The following DSCAML1 variants were observed in gnomAD, a reference collection of about 807,000 sequenced individuals.
DSCAML1 encodes the protein DS cell adhesion molecule like 1.
Under a neutral mutation model 200.5 loss-of-function variants are expected in DSCAML1, and 38 were observed. That is an observed-to-expected ratio of 0.19 (90% CI 0.15 to 0.25). DSCAML1 has a LOEUF of 0.25. Ranked by LOEUF, DSCAML1 falls within the 10% of genes least tolerant of loss-of-function variation. The probability of loss-of-function intolerance (pLI) is 1.00; values close to 1 mark genes in which losing one functional copy is unlikely to be tolerated. For missense variants in DSCAML1, 2,223 were observed against 2,858.8 expected, an observed-to-expected ratio of 0.78 and a Z score of 5.07; for synonymous variants, 1,215 against 1,165.0, an observed-to-expected ratio of 1.04 and a Z score of -0.87.
chr11:117,799,502 C>T (rs920792928), upstream of DSCAML1, among the ~76,000 whole-genome samples: 1 of 152,184 alleles, frequency 6.6e-6, no homozygotes, highest in Non-Finnish European at 1.5e-5. Context: ...GTGTGTTACC[C>T]GAAGGGCGAG....
intron 3 of DSCAML1, among the ~76,000 whole-genome samples, chr11:117,715,620 C>T (rs2053940303): frequency 6.6e-6 from 1 of 152,188 alleles, no homozygotes; most frequent in South Asian, 2.1e-4. Context: ...GTGCCTGGCA[C>T]AGGGCCTCGC....
intron 3 of DSCAML1, among the ~76,000 whole-genome samples, chr11:117,652,512 A>G (rs1361710388): frequency 1.3e-5 from 2 of 152,198 alleles, no homozygotes; most frequent in Non-Finnish European, 2.9e-5. Context: ...TCCACCTCCA[A>G]TACACCACCA....
At chr11:117,802,534 C>G (rs553194789) in intron 1 of DSCAML1, among the ~76,000 whole-genome samples, 1 of 152,188 alleles carries the variant, frequency 6.6e-6, no homozygotes, top group Non-Finnish European at 1.5e-5. Flanking sequence ...TACAGCCTCA[C>G]GTGCCATGCC....
chr11:117,542,087 A>G (rs2050279846), intron 3 of DSCAML1, among the ~76,000 whole-genome samples: 1 of 152,082 alleles, frequency 6.6e-6, no homozygotes, highest in Non-Finnish European at 1.5e-5. Flanking sequence ...AGTAGGGTGG[A>G]TCACTTGAGG....
chr11:117,471,753 T>A, intron 15 of DSCAML1, 116 bp downstream of exon 15: 2 of 1,149,320 alleles, frequency 1.7e-6, no homozygotes, highest in Non-Finnish European at 2.4e-6. Flanking sequence ...AGGATGCTTT[T>A]CCCCACGCCA....
At chr11:117,635,665 G>C (rs1376440172) in intron 3 of DSCAML1, among the ~76,000 whole-genome samples, 1 of 151,860 alleles carries the variant, frequency 6.6e-6, no homozygotes, top group African/African-American at 2.4e-5. Flanking sequence ...GGAAGGAAAA[G>C]AGAAAGGGCA....
At chr11:117,738,731 C>G (rs981128797) in intron 3 of DSCAML1, among the ~76,000 whole-genome samples, 2 of 152,140 alleles carry the variant, frequency 1.3e-5, no homozygotes, top group Non-Finnish European at 2.9e-5. Flanking sequence ...ACTTTCATGA[C>G]CGTCTGCTGG....
At chr11:117,548,551 A>C (rs1004558434) in intron 3 of DSCAML1, among the ~76,000 whole-genome samples, 4 of 152,324 alleles carry the variant, frequency 2.6e-5, no homozygotes, top group Non-Finnish European at 5.9e-5. Flanking sequence ...GGGACCCAGG[A>C]GGGCCTCAAG....
rs969141804 is a variant in DSCAML1, at chr11:117,503,094, T to C, written c.2359+751A>G. ...GAGAGGCTCACCCAGTAGGGATATCTGTATGAGACTTAAGAAAATCCTGGG... is the reference window on the plus strand; with the variant it reads ...GAGAGGCTCACCCAGTAGGGATATCCGTATGAGACTTAAGAAAATCCTGGG... On this transcript the variant is annotated intron_variant, in intron 11 of 32. Coordinates refer to ENST00000651296, the MANE Select transcript of DSCAML1 (RefSeq NM_020693.4). The surrounding 1 kb of genome is among the most constrained non-coding windows in gnomAD (Gnocchi z 5.2). Among the ~76,000 whole-genome samples, 2 of 152,218 alleles carry C rather than the reference T, an allele frequency of 1.3e-5. No homozygotes were observed. Among genetic ancestry groups the C allele is most frequent in the Non-Finnish European group, 2.9e-5 (2 of 68,046 alleles).
intron 3 of DSCAML1, among the ~76,000 whole-genome samples, chr11:117,603,788 GA>G (rs993579133): frequency 6.6e-6 from 1 of 152,146 alleles, no homozygotes; most frequent in African/African-American, 2.4e-5. Context: ...AAAGCAGAAA[GA>G]AAAAGGGAAA....
At chr11:117,495,237 TAGGC>T (rs2049268423) in intron 11 of DSCAML1, among the ~76,000 whole-genome samples, 2 of 152,084 alleles carry the variant, frequency 1.3e-5, no homozygotes, top group Non-Finnish European at 2.9e-5. Flanking sequence ...CAGCTGGCGG[TAGGC>T]AGGCAGGTGC....
intron 17 of DSCAML1, among the ~76,000 whole-genome samples, chr11:117,462,843 G>A (rs1376859685): frequency 6.6e-6 from 1 of 152,226 alleles, no homozygotes; most frequent in African/African-American, 2.4e-5. Context: ...CCTTAATTAA[G>A]TATGAAAAAC....
At chr11:117,645,644 G>A (rs560788469) in intron 3 of DSCAML1, among the ~76,000 whole-genome samples, 34 of 150,222 alleles carry the variant, frequency 2.3e-4, no homozygotes, top group African/African-American at 5.6e-4. Context: ...GCAAACTATC[G>A]CAAGAACAAA....
intron 3 of DSCAML1, among the ~76,000 whole-genome samples, chr11:117,625,761 G>A (rs190492169): frequency 7.2e-5 from 11 of 152,344 alleles, no homozygotes; most frequent in East Asian, 5.8e-4. Context: ...AACAATGCCT[G>A]TGGGTGCTAC....
chr11:117,707,005 C>A (rs1202837254), intron 3 of DSCAML1, among the ~76,000 whole-genome samples: 1 of 152,202 alleles, frequency 6.6e-6, no homozygotes, highest in East Asian at 1.9e-4. Flanking sequence ...CACACAAGCA[C>A]CCAGGAGCAG....
chr11:117,780,207 A>AAGAG lies in DSCAML1; in HGVS notation c.364+282_364+285dup, dbSNP rs369747722. ...AAAAAGAAAGAAAGAAAGAGAAAGAAAGAGAGAGAGAGAAAGAAAGAAAGG... is the reference window on the plus strand; with the variant it reads ...AAAAAGAAAGAAAGAAAGAGAAAGAAAGAGAGAGAGAGAGAGAAAGAAAGAAAGG... On this transcript the variant is annotated intron_variant, in intron 2 of 32. Transcript: ENST00000651296. This position sits in a 1 kb window ranked among gnomAD's most constrained non-coding sequence, Gnocchi z 4.8. 4.9e-5 allele frequency among the ~76,000 whole-genome samples: 3 copies of AAGAG among 60,742 alleles called. No individual in the cohort carries two copies. Among genetic ancestry groups the AAGAG allele is most frequent in the Non-Finnish European group, 1.0e-4 (3 of 28,804 alleles). 39.8% of individuals were successfully genotyped at this position (60,742 alleles called of 152,430 possible). A position where few individuals can be genotyped will look rare whatever the true frequency, so the allele number is the denominator to read the frequency against.
chr11:117,478,924 G>A (rs2048852061), intron 14 of DSCAML1, among the ~76,000 whole-genome samples: 1 of 152,206 alleles, frequency 6.6e-6, no homozygotes, highest in Non-Finnish European at 1.5e-5. Flanking sequence ...TGAACTCCTG[G>A]GTGGCTTACC....
At chr11:117,433,510 T>A (rs759707747) in intron 27 of DSCAML1, 39 bp from the exon 28 acceptor site, 2 of 1,606,030 alleles carry the variant, frequency 1.2e-6, no homozygotes, top group East Asian at 4.5e-5. Context: ...TGGGTGAGAA[T>A]GAAGTTTGAA....
At chr11:117,802,620 A>G (rs1254663605) in intron 1 of DSCAML1, among the ~76,000 whole-genome samples, 4 of 152,184 alleles carry the variant, frequency 2.6e-5, no homozygotes, top group African/African-American at 9.6e-5. Flanking sequence ...CTCGTCTCTA[A>G]GAGTGAGCAT....
Sources: gnomAD v4.1 joint callset for allele counts (sites outside exome capture counted in the v4.1 genomes callset) on GRCh38, gnomAD v4.1.1 for gene constraint, Gnocchi (gnomAD v3.1) non-coding constraint, MANE v1.5 for transcripts, NCBI Gene and HGNC (gene_info 2026-07-23, HGNC 2026-07-21) for gene names.